DUSP16: variants seen among roughly 807,000 people sequenced by gnomAD.
The protein encoded by DUSP16 is dual specificity phosphatase 16.
A neutral mutation model predicts 58.3 loss-of-function variants in DUSP16; 21 were observed. That is an observed-to-expected ratio of 0.36 (90% CI 0.26 to 0.52). The LOEUF is 0.52. DUSP16 is among the 20% of genes least tolerant of loss of function. The probability of loss-of-function intolerance (pLI) is 0.94; values close to 1 mark genes in which losing one functional copy is unlikely to be tolerated. For missense variants in DUSP16, 726 were observed against 819.0 expected, an observed-to-expected ratio of 0.89 and a Z score of 1.39; for synonymous variants, 320 against 323.8, an observed-to-expected ratio of 0.99 and a Z score of 0.12.
intron 1 of DUSP16, among the ~76,000 whole-genome samples, chr12:12,549,862 T>C (rs543942561): frequency 6.6e-6 from 1 of 152,278 alleles, no homozygotes; most frequent in African/African-American, 2.4e-5. Flanking sequence ...CTACCCTTTA[T>C]CCAACACGCT....
chr12:12,545,382 T>C (rs967386495), intron 1 of DUSP16, among the ~76,000 whole-genome samples: 2 of 151,706 alleles, frequency 1.3e-5, no homozygotes, highest in African/African-American at 2.4e-5. Flanking sequence ...GCTTGATGCC[T>C]CAGCCTCCTG....
At position 12,521,218 on chromosome 12, in the gene DUSP16, G is replaced by A; in HGVS notation, c.-120C>T. The A allele has an allele frequency of 6.7e-7, 1 of 1,482,732 alleles. No individual in the cohort carries two copies. Among genetic ancestry groups the A allele is most frequent in the South Asian group, 1.4e-5 (1 of 73,160 alleles). 91.8% of individuals were successfully genotyped at this position (1,482,732 alleles called of 1,614,324 possible). ...AAAAGTGTATGAGGTCAGGCTGGTG[G>A]TGACTGGCAAAAGGAGAGTTAAACC... On this transcript the variant is annotated 5_prime_UTR_variant, in exon 2 of 7. Transcript: ENST00000298573.
chr12:12,534,545 C>G (rs1435274143), intron 1 of DUSP16, among the ~76,000 whole-genome samples: 1 of 152,156 alleles, frequency 6.6e-6, no homozygotes, highest in Non-Finnish European at 1.5e-5. Flanking sequence ...GTTTCTGGAC[C>G]CTTCTTTTGT....
rs934555250 is a variant in DUSP16, at chr12:12,490,775, T to G, written c.532-3588A>C. Among the ~76,000 whole-genome samples, 4 of 152,184 alleles carry G rather than the reference T, an allele frequency of 2.6e-5. No homozygotes were observed. The East Asian group carries it at 7.7e-4, about 29-fold the overall frequency. On this transcript the variant is annotated intron_variant, in intron 4 of 6. Transcript: ENST00000298573. ...TAGATTAAAACTGTCCCCCAAATAC[T>G]TTACAGCTCCCTTATTCCCACCTAA...
rs112762980 is a variant in DUSP16 at position 12,479,848 on chromosome 12, A to C, written c.815+375T>G. ...CCAGCAATCCAAAGTTTGAAGCAGA[A>C]CAGAGATTCTGCAGTGAGCATTCTA... On this transcript the variant is annotated intron_variant, in intron 6 of 6. Transcript: ENST00000298573. Among the ~76,000 whole-genome samples the C allele has an allele frequency of 4.2e-3, 642 of 152,352 alleles. 4 individuals carry two copies. The highest frequency in any genetic ancestry group is 7.2e-3 in the Non-Finnish European group (493 of 68,034).
intron 3 of DUSP16, among the ~76,000 whole-genome samples, chr12:12,514,616 G>A (rs866433635): frequency 3.9e-4 from 59 of 152,020 alleles, no homozygotes; most frequent in African/African-American, 1.4e-3. Context: ...GAACAGGCCC[G>A]GCACATGGCA....
intron 5 of DUSP16, among the ~76,000 whole-genome samples, chr12:12,480,729 A>G (rs994502727): frequency 2.6e-5 from 4 of 152,110 alleles, no homozygotes; most frequent in African/African-American, 9.7e-5. Context: ...TTTTAAAATC[A>G]TTATTACTAT....
intron 1 of DUSP16, among the ~76,000 whole-genome samples, chr12:12,549,924 C>T (rs1944701516): frequency 6.6e-6 from 1 of 152,126 alleles, no homozygotes. Context: ...CATGGCTCAT[C>T]CTACACACTA....
chr12:12,474,381 A>G lies in DUSP16; in HGVS notation c.*2452T>C, dbSNP rs1229803275. ...TTAAACATTTACAGTCTTTCCATCT[A>G]ACTTTACACATGTCCTAAATCATTT... On this transcript the variant is annotated 3_prime_UTR_variant, in exon 7 of 7. Coordinates refer to ENST00000298573, the MANE Select transcript of DUSP16 (RefSeq NM_030640.3). 1 of 151,084 alleles carries G rather than the reference A, an allele frequency of 6.6e-6. No homozygotes were observed. Among genetic ancestry groups the G allele is most frequent in the African/African-American group, 2.4e-5 (1 of 41,402 alleles). The allele number at this position is 151,084 out of a possible 1,614,324, so 9.4% of individuals were successfully genotyped here.
intron 5 of DUSP16, 136 bp downstream of exon 5, chr12:12,486,892 C>T (rs951858914): frequency 1.8e-5 from 18 of 991,704 alleles, no homozygotes; most frequent in Non-Finnish European, 2.5e-5. Flanking sequence ...GTAAGCTGCA[C>T]CACGTGCTGT....
intron 1 of DUSP16, among the ~76,000 whole-genome samples, chr12:12,558,540 A>G (rs995928604): frequency 1.3e-5 from 2 of 152,024 alleles, no homozygotes; most frequent in African/African-American, 4.8e-5. Flanking sequence ...TACTACTACC[A>G]TACCTAGCTA....
intron 1 of DUSP16, among the ~76,000 whole-genome samples, chr12:12,540,944 C>CTTTT (rs1199026965): frequency 3.8e-3 from 385 of 100,630 alleles, no homozygotes; most frequent in East Asian, 8.9e-3. Flanking sequence ...CTTTTCTTTT[C>CTTTT]TTTTCTTTTT....
chr12:12,519,956 G>A lies in DUSP16; in HGVS notation c.273C>T (p.Ser91=). 12 of 1,614,128 alleles carry A rather than the reference G, an allele frequency of 7.4e-6. No homozygotes were observed. Among genetic ancestry groups the A allele is most frequent in the South Asian group, 1.1e-5 (1 of 91,084 alleles). ...CSQKVVVYDQ[S]SQDVASLSSD... ...AAGAGAGAGAGGCAACATCTTGGGA[G>A]CTTTGATCGTAAACTACAACCTTCT... is the stretch of plus-strand genomic sequence containing the variant. Residue 91 remains serine (S), a synonymous_variant, in exon 3 of 7, where the codon AGC becomes AGT. Coordinates refer to ENST00000298573, the MANE Select transcript of DUSP16 (RefSeq NM_030640.3).
At chr12:12,491,058 C>T (rs1334856273) in intron 4 of DUSP16, among the ~76,000 whole-genome samples, 1 of 152,192 alleles carries the variant, frequency 6.6e-6, no homozygotes, top group Non-Finnish European at 1.5e-5. Context: ...AGGCATTCAC[C>T]TTCCAAAGAT....
chr12:12,557,450 C>G (rs981297804), intron 1 of DUSP16, among the ~76,000 whole-genome samples: 2 of 144,076 alleles, frequency 1.4e-5, no homozygotes, highest in Admixed American at 6.9e-5. Context: ...AGCAAGACTC[C>G]GTCTCAAAAA....
intron 3 of DUSP16, among the ~76,000 whole-genome samples, chr12:12,504,156 T>C (rs2136216371): frequency 6.6e-6 from 1 of 152,366 alleles, no homozygotes; most frequent in East Asian, 1.9e-4. Flanking sequence ...CATCATTCTT[T>C]GCTTTTCTTA....
At chr12:12,485,786 CTTTTTTTTTTTTT>C (rs749939375) in intron 5 of DUSP16, among the ~76,000 whole-genome samples, 1 of 107,700 alleles carries the variant, frequency 9.3e-6, no homozygotes, top group Non-Finnish European at 1.8e-5. Flanking sequence ...GCCAATTCCA[CTTTTTTTTTTTTT>C]TTTTTTTTTT....
At chr12:12,502,705 C>A (rs1943927444) in intron 3 of DUSP16, among the ~76,000 whole-genome samples, 1 of 152,020 alleles carries the variant, frequency 6.6e-6, no homozygotes, top group South Asian at 2.1e-4. Flanking sequence ...GTATGCACCA[C>A]CACCCTCGGC....
chr12:12,556,020 G>A (rs138907176), intron 1 of DUSP16, among the ~76,000 whole-genome samples: 55 of 152,218 alleles, frequency 3.6e-4, no homozygotes, highest in Middle Eastern at 3.4e-3. Flanking sequence ...CAGCTTGGGC[G>A]ACAGAGTAAG....
Sources: gnomAD v4.1 joint callset for allele counts (sites outside exome capture counted in the v4.1 genomes callset) on GRCh38, gnomAD v4.1.1 for gene constraint, MANE v1.5 for transcripts, NCBI Gene and HGNC (gene_info 2026-07-23, HGNC 2026-07-21) for gene names.